C14orf39: variants seen among roughly 807,000 people sequenced by gnomAD.
C14orf39 encodes the protein chromosome 14 open reading frame 39.
Under a neutral mutation model 85.6 loss-of-function variants are expected in C14orf39, and 66 were observed. The observed-to-expected ratio is 0.77, with a 90% CI of 0.63 to 0.95. The LOEUF (loss-of-function observed/expected upper bound fraction) is 0.95. Ranked by LOEUF, C14orf39 falls within the 40% of genes least tolerant of loss-of-function variation. The pLI is 0.00. For synonymous variants in C14orf39, 242 were observed against 214.0 expected (o/e 1.13, Z -1.14); for missense variants, 735 against 663.9 (o/e 1.11, Z -1.18).
chr14:60,511,237 C>A (rs770148963), intron 1 of C14orf39: 2 of 1,613,394 alleles, frequency 1.2e-6, no homozygotes, highest in Non-Finnish European at 8.5e-7. Context: ...CCAGCGACAG[C>A]GAGTGCGACA....
Position 60,471,627 on chromosome 14 carries a change from C to A in C14orf39, c.436G>T (p.Glu146Ter), listed in dbSNP as rs775328766. The change falls in exon 6 of 18, where the codon GAA becomes TAA. Residue 146 changes from glutamate (E) to a stop codon, truncating the protein, a stop_gained. Transcript: ENST00000321731. LOFTEE classifies it high-confidence loss of function. The part of the protein sequence containing the change: ...REYYEKKREH[E>*]EIQSRVLACT... ...GCCAACACTCTGCTTTGAATTTCTT[C>A]ATGTTCTCTTTTCTTCTCATAATAT... 3 of 1,611,106 alleles carry A rather than the reference C, an allele frequency of 1.9e-6. No homozygotes were observed. Among genetic ancestry groups the A allele is most frequent in the Non-Finnish European group, 8.5e-7 (1 of 1,178,474 alleles).
At chr14:60,438,018 T>C (rs1481264370) in intron 17 of C14orf39, among the ~76,000 whole-genome samples, 1 of 151,844 alleles carries the variant, frequency 6.6e-6, no homozygotes, top group African/African-American at 2.4e-5. Flanking sequence ...ATTAAATAAT[T>C]TTAAGTCTAT....
chr14:60,446,115 G>C (rs1365957266), intron 16 of C14orf39, among the ~76,000 whole-genome samples: 2 of 152,176 alleles, frequency 1.3e-5, no homozygotes, highest in Non-Finnish European at 2.9e-5. Context: ...AAGCAGGAAA[G>C]ATCTAAAATC....
intron 5 of C14orf39, among the ~76,000 whole-genome samples, chr14:60,476,790 C>T (rs1482521309): frequency 6.6e-6 from 1 of 152,102 alleles, no homozygotes; most frequent in Non-Finnish European, 1.5e-5. Context: ...TGCACAATTT[C>T]CCCTTTAGAG....
chr14:60,465,915 C>T (rs888684357), intron 11 of C14orf39, 64 bp downstream of exon 11: 5 of 782,464 alleles, frequency 6.4e-6, no homozygotes, highest in Non-Finnish European at 9.9e-6. Context: ...AAGGGCAGTA[C>T]ATTCATTATT....
intron 16 of C14orf39, among the ~76,000 whole-genome samples, chr14:60,443,229 C>T (rs992911239): frequency 6.6e-6 from 1 of 152,160 alleles, no homozygotes; most frequent in Non-Finnish European, 1.5e-5. Context: ...GTCCCCTCAC[C>T]CGTGAAGTGC....
chr14:60,436,914 T>C lies in C14orf39; in HGVS notation c.1695A>G (p.Ser565=). ...AACCTTTTAAAGAAGAAGAAGGTAT[T>C]GAATTTTGACCCTGTCCAAATGAAA... The part of the protein sequence containing the change: ...FPFSFGQGQN[S]IPSSSLKGFS... Residue 565 remains serine (S), a synonymous_variant, in exon 18 of 18, where the codon TCA becomes TCG. Transcript: ENST00000321731. The C allele has an allele frequency of 6.2e-7, 1 of 1,612,846 alleles. No individual in the cohort carries two copies. The highest frequency in any genetic ancestry group is 8.5e-7 in the Non-Finnish European group (1 of 1,179,172).
At chr14:60,509,131 C>T in intron 1 of C14orf39, 1 of 515,112 alleles carries the variant, frequency 1.9e-6, no homozygotes, top group South Asian at 2.2e-5. Flanking sequence ...CCCGCGCCGC[C>T]AATCCGCCCA....
chr14:60,482,993 C>T (rs1011600695), intron 4 of C14orf39, among the ~76,000 whole-genome samples: 10 of 151,134 alleles, frequency 6.6e-5, no homozygotes, highest in Admixed American at 4.0e-4. Context: ...GGGTAGGGGA[C>T]GGGAACTGCA....
At chr14:60,449,186 T>A (rs911871906) in intron 16 of C14orf39, among the ~76,000 whole-genome samples, 4 of 151,946 alleles carry the variant, frequency 2.6e-5, no homozygotes, top group Non-Finnish European at 5.9e-5. Flanking sequence ...AAGCATAATT[T>A]AAAAAAAGAA....
At chr14:60,450,261 T>C (rs1371491856) in intron 16 of C14orf39, among the ~76,000 whole-genome samples, 2 of 152,110 alleles carry the variant, frequency 1.3e-5, no homozygotes, top group African/African-American at 4.8e-5. Context: ...GGACAGCATT[T>C]CTGGACCTTC....
Position 60,466,904 on chromosome 14 carries a change from A to G in C14orf39, c.895+13T>C. The G allele has an allele frequency of 6.8e-7, 1 of 1,462,766 alleles. No homozygotes were observed. Among genetic ancestry groups the G allele is most frequent in the Non-Finnish European group, 9.0e-7 (1 of 1,108,840 alleles). 90.6% of individuals were successfully genotyped at this position (1,462,766 alleles called of 1,614,324 possible). A position where few individuals can be genotyped will look rare whatever the true frequency, so the allele number is the denominator to read the frequency against. On this transcript the variant is annotated intron_variant, in intron 10 of 17. Transcript: ENST00000321731. ...AAAAAATGATGTTTTTGAATAACAAACAGATATTATACCTGCAACTCTTGG... is the reference window on the plus strand; with the variant it reads ...AAAAAATGATGTTTTTGAATAACAAGCAGATATTATACCTGCAACTCTTGG...
At chr14:60,496,278 C>A in intron 2 of C14orf39, 1 of 380,018 alleles carries the variant, frequency 2.6e-6, no homozygotes, top group Admixed American at 3.2e-5. Flanking sequence ...CAAGGACCCA[C>A]TGGATACTGT....
At chr14:60,451,600 C>T (rs946617650) in intron 16 of C14orf39, among the ~76,000 whole-genome samples, 7 of 151,170 alleles carry the variant, frequency 4.6e-5, no homozygotes, top group Admixed American at 4.0e-4. Context: ...GAAAACTAAA[C>T]ACCGCATGTT....
chr14:60,472,213 A>C (rs1272534064), intron 5 of C14orf39, among the ~76,000 whole-genome samples: 3 of 141,710 alleles, frequency 2.1e-5, no homozygotes, highest in Admixed American at 1.5e-4. Flanking sequence ...AAATTATCAC[A>C]TGAAGTCATG....
intron 4 of C14orf39, among the ~76,000 whole-genome samples, chr14:60,480,123 A>T (rs993061178): frequency 6.6e-6 from 1 of 152,164 alleles, no homozygotes; most frequent in Admixed American, 6.5e-5. Context: ...AATGGCTGTT[A>T]TCAAAAAGAT....
rs1193880891 is a variant in C14orf39 at position 60,436,740 on chromosome 14, C to A, written c.*105G>T. The A allele has an allele frequency of 4.1e-6, 3 of 734,426 alleles. No homozygotes were observed. Among genetic ancestry groups the A allele is most frequent in the African/African-American group, 1.8e-5 (1 of 56,182 alleles). The allele number at this position is 734,426 out of a possible 1,614,324, so 45.5% of individuals were successfully genotyped here. A position where few individuals can be genotyped will look rare whatever the true frequency, so the allele number is the denominator to read the frequency against. On this transcript the variant is annotated 3_prime_UTR_variant, in exon 18 of 18. Coordinates refer to ENST00000321731, the MANE Select transcript of C14orf39 (RefSeq NM_174978.3). The stretch of plus-strand genomic sequence containing the variant: ...TAATCAAATAATGTAAACATTACTG[C>A]TTTAATCAATAAAAGAAAGCAGTCT...
At chr14:60,504,561 T>C (rs999687504) in intron 1 of C14orf39, among the ~76,000 whole-genome samples, 4 of 152,212 alleles carry the variant, frequency 2.6e-5, no homozygotes, top group Non-Finnish European at 5.9e-5. Context: ...TAATCATTCT[T>C]TCAGTCATTC....
At chr14:60,452,250 A>G (rs1227163555) in intron 16 of C14orf39, among the ~76,000 whole-genome samples, 24 of 152,154 alleles carry the variant, frequency 1.6e-4, no homozygotes, top group Admixed American at 1.6e-3. Context: ...AAAAATAAAA[A>G]GCAAGAAATT....
Sources: allele counts gnomAD v4.1 joint callset (sites outside exome capture counted in the v4.1 genomes callset), GRCh38; gene constraint gnomAD v4.1.1; transcripts MANE v1.5; gene names NCBI Gene and HGNC (gene_info 2026-07-23, HGNC 2026-07-21).